The following STAB2 variants were observed in gnomAD, a reference collection of about 807,000 sequenced individuals.
STAB2 encodes stabilin 2.
Under a neutral mutation model 338.1 loss-of-function variants are expected in STAB2, and 288 were observed. The observed-to-expected ratio is 0.85, with a 90% confidence interval of 0.77 to 0.94. The LOEUF (loss-of-function observed/expected upper bound fraction) is 0.94. Ranked by LOEUF, STAB2 falls within the 40% of genes least tolerant of loss-of-function variation. The pLI is 0.00. For synonymous variants in STAB2, 1,202 were observed against 1,193.3 expected (o/e 1.01, Z -0.15); for missense variants, 3,141 against 3,210.1 (o/e 0.98, Z 0.52).
At chr12:103,637,345 G>A (rs534120611) in intron 7 of STAB2, 109 bp downstream of exon 7, 117 of 1,430,496 alleles carry the variant, frequency 8.2e-5, no homozygotes, top group East Asian at 3.2e-4. Context: ...TCTATTTCTC[G>A]CTGTGTAGTT....
chr12:103,761,565 C>T lies in STAB2; in HGVS notation c.7359+155C>T, dbSNP rs573029548. On this transcript the variant is annotated intron_variant, in intron 66 of 68. Transcript: ENST00000388887. ...AACCTCCAAGGTAGCTGGCCAGGAC[C>T]GCCCAACCCTGCTTCCTGCCATCCC... 4.0e-5 allele frequency among the ~76,000 whole-genome samples: 6 copies of T among 151,712 alleles called. No homozygotes were observed. In the East Asian group the frequency reaches 7.8e-4, roughly 20 times the overall value.
At chr12:103,715,423 T>C (rs1880229428) in intron 42 of STAB2, among the ~76,000 whole-genome samples, 2 of 152,234 alleles carry the variant, frequency 1.3e-5, no homozygotes, top group South Asian at 4.1e-4. Context: ...CTTTTGATGA[T>C]TCTTCCCTGA....
chr12:103,702,340 G>A (rs548225914), intron 34 of STAB2, among the ~76,000 whole-genome samples: 151 of 149,532 alleles, frequency 1.0e-3, no homozygotes, highest in African/African-American at 3.0e-3. Context: ...CGCCCAGGCC[G>A]GACTGCGGAC....
chr12:103,705,818 TGC>T, intron 37 of STAB2, 91 bp downstream of exon 37: 1 of 1,209,990 alleles, frequency 8.3e-7, no homozygotes, highest in Non-Finnish European at 1.2e-6. Context: ...TGTGCAGGTA[TGC>T]TTTCTGCCAT....
rs865913961 is a variant in STAB2 at position 103,612,450 on chromosome 12, T to A, written c.332-8018T>A. ...TTCATTCATTTGATCTTCCAATCACTGATACCCTTTCTTCCAGTTGATCAA... is the reference window on the plus strand; with the variant it reads ...TTCATTCATTTGATCTTCCAATCACAGATACCCTTTCTTCCAGTTGATCAA... On this transcript the variant is annotated intron_variant, in intron 3 of 68. Coordinates refer to ENST00000388887, the MANE Select transcript of STAB2 (RefSeq NM_017564.10). Among the ~76,000 whole-genome samples the A allele has an allele frequency of 1.8e-4, 27 of 152,242 alleles. 1 individual carries two copies. Among genetic ancestry groups the A allele is most frequent in the Non-Finnish European group, 4.4e-5 (3 of 68,038 alleles).
In STAB2 at chr12:103,689,986, G is replaced by A. The variant is rs567936571; in HGVS notation, c.3182+4G>A. On this transcript the variant is annotated splice_donor_region_variant and intron_variant, in intron 29 of 68. Transcript: ENST00000388887. ...GCAATATTCCAGCCCTAATAAAGTA[G>A]GTGTTACTTATTTTATTTTACATCG... 91 of 1,610,050 alleles carry A rather than the reference G, an allele frequency of 5.7e-5. No individual in the cohort carries two copies. The highest frequency in any genetic ancestry group is 1.7e-4 in the Middle Eastern group (1 of 6,056).
chr12:103,765,489 C>T (rs1884875270), intron 68 of STAB2, among the ~76,000 whole-genome samples: 1 of 152,210 alleles, frequency 6.6e-6, no homozygotes, highest in African/African-American at 2.4e-5. Context: ...CCATTTCTAG[C>T]ATCTATTATG....
At position 103,740,769 on chromosome 12, in the gene STAB2, C is replaced by T. The variant is rs1405766549; in HGVS notation, c.5881+13C>T. On this transcript the variant is annotated intron_variant, in intron 55 of 68. Transcript: ENST00000388887. ...CGAGACTGTCAGGGTGAGGGTGCCT[C>T]TTCCCCCCTCGCAACTCTAAAAGTG... 6.4e-7 allele frequency: 1 copy of T among 1,560,356 alleles called. No individual in the cohort carries two copies. Among genetic ancestry groups the T allele is most frequent in the Non-Finnish European group, 8.6e-7 (1 of 1,159,748 alleles).
At chr12:103,679,804 G>A (rs1876732413) in intron 25 of STAB2, among the ~76,000 whole-genome samples, 1 of 152,146 alleles carries the variant, frequency 6.6e-6, no homozygotes, top group Non-Finnish European at 1.5e-5. Flanking sequence ...TCAAAAGTGG[G>A]ACTCAAGCAG....
In STAB2 at chr12:103,749,677, A is replaced by G. The variant is rs1883420404; in HGVS notation, c.6438+521A>G. Reference sequence around the variant, plus strand: ...ACCCCATGTCTACTAAAAAAATGCAAAAAAAAAAAAAAATTAGCCGGGCAT... The same window carrying G: ...ACCCCATGTCTACTAAAAAAATGCAGAAAAAAAAAAAAATTAGCCGGGCAT... On this transcript the variant is annotated intron_variant, in intron 59 of 68. Coordinates refer to ENST00000388887, the MANE Select transcript of STAB2 (RefSeq NM_017564.10). Among the ~76,000 whole-genome samples, 4 of 121,672 alleles carry G rather than the reference A, an allele frequency of 3.3e-5. No homozygotes were observed. In the South Asian group the frequency reaches 1.2e-3, roughly 37 times the overall value. The allele number at this position is 121,672 out of a possible 152,430, so 79.8% of individuals were successfully genotyped here.
intron 37 of STAB2, among the ~76,000 whole-genome samples, chr12:103,706,472 A>G (rs1304783543): frequency 6.6e-6 from 1 of 152,102 alleles, no homozygotes; most frequent in Non-Finnish European, 1.5e-5. Flanking sequence ...CCCACTCTCC[A>G]GCATCACAGG....
In STAB2 at chr12:103,662,959, G is replaced by A. The variant is rs148397037; in HGVS notation, c.1983G>A (p.Leu661=). Residue 661 remains leucine (L), a synonymous_variant, in exon 18 of 69, where the codon CTG becomes CTA. Transcript: ENST00000388887. ...VLIPPSIVPI[L]PHRCDETKRE... Reference sequence around the variant, plus strand: ...TTCCTCCCTCCATTGTCCCGATTCTGCCCCATCGATGTGATGAAACAAAGA... The same window carrying A: ...TTCCTCCCTCCATTGTCCCGATTCTACCCCATCGATGTGATGAAACAAAGA... 17,928 of 1,614,094 alleles carry A rather than the reference G, an allele frequency of 0.011. 129 individuals are homozygous for A. Among genetic ancestry groups the A allele is most frequent in the Middle Eastern group, 0.029 (178 of 6,060 alleles).
chr12:103,699,119 T>C lies in STAB2; in HGVS notation c.3606T>C (p.His1202=), dbSNP rs1318516093. 6.2e-7 allele frequency: 1 copy of C among 1,611,144 alleles called. No individual in the cohort carries two copies. Among genetic ancestry groups the C allele is most frequent in the Admixed American group, 1.7e-5 (1 of 59,964 alleles). The change falls in exon 34 of 69, where the codon CAT becomes CAC. Residue 1202 remains histidine (H), a synonymous_variant. Transcript: ENST00000388887. ...AGGAGGAGGACGTCCTCCGGTATCA[T>C]GTGGTCCTGGAGGAGAAACTCCTGA... is the stretch of plus-strand genomic sequence containing the variant. The part of the protein sequence containing the change: ...LSLEEDVLRY[H]VVLEEKLLKN...
chr12:103,677,596 T>G lies in STAB2; in HGVS notation c.2790T>G (p.Tyr930Ter). 6.2e-7 allele frequency: 1 copy of G among 1,613,118 alleles called. No individual in the cohort carries two copies. Among genetic ancestry groups the G allele is most frequent in the East Asian group, 2.2e-5 (1 of 44,838 alleles). Residue 930 changes from tyrosine (Y) to a stop codon, truncating the protein, a stop_gained, in exon 25 of 69, where the codon TAT becomes TAG. Coordinates refer to ENST00000388887, the MANE Select transcript of STAB2 (RefSeq NM_017564.10). LOFTEE classifies it high-confidence loss of function. ...GCCACGACAACGCATCCTGTTTGTA[T>G]GTGGGTCCCGGGCAGGTAGGTTGGA... ...GGCHDNASCL[Y>*]VGPGQNECEC... is the part of the protein sequence containing the mutation.
chr12:103,632,890 C>G (rs1957486444), intron 6 of STAB2, among the ~76,000 whole-genome samples: 1 of 152,246 alleles, frequency 6.6e-6, no homozygotes, highest in East Asian at 1.9e-4. Context: ...TGCCACTAGC[C>G]TCATTTAACT....
At chr12:103,700,634 G>A (rs143221966) in intron 34 of STAB2, among the ~76,000 whole-genome samples, 2 of 152,060 alleles carry the variant, frequency 1.3e-5, no homozygotes, top group East Asian at 3.9e-4. Flanking sequence ...ACAGAGCTTC[G>A]TTTTTGCTTC....
chr12:103,590,755 C>T (rs1956783633), intron 1 of STAB2, 142 bp from the exon 2 acceptor site: 4 of 940,444 alleles, frequency 4.3e-6, no homozygotes, highest in South Asian at 3.2e-5. Context: ...GCAAACCAGT[C>T]ATTACCAATC....
Position 103,688,197 on chromosome 12 carries a change from A to G in STAB2, c.3027A>G (p.Ile1009Met). 3.7e-6 allele frequency: 6 copies of G among 1,613,922 alleles called. 2 individuals carry two copies. The South Asian group carries it at 6.6e-5, about 18-fold the overall frequency. ...VELSFLSEAA[I>M]FNRWINNASL... ...TGTCATTTCTCTCCGAAGCAGCTAT[A>G]TTTAACCGATGGATAAATGTGAGTA... Residue 1009 changes from isoleucine (I) to methionine (M), a missense_variant, in exon 28 of 69, where the codon ATA (isoleucine) becomes ATG (methionine). Transcript: ENST00000388887.
At chr12:103,743,450 G>A (rs1882752226) in intron 56 of STAB2, among the ~76,000 whole-genome samples, 1 of 152,182 alleles carries the variant, frequency 6.6e-6, no homozygotes, top group African/African-American at 2.4e-5. Flanking sequence ...CAAAGAAGCA[G>A]GTAGAAGGGT....
Sources: allele counts gnomAD v4.1 joint callset (sites outside exome capture counted in the v4.1 genomes callset), GRCh38; gene constraint gnomAD v4.1.1; transcripts MANE v1.5; gene names NCBI Gene and HGNC (gene_info 2026-07-23, HGNC 2026-07-21).